Variants in ADGRF5 observed in about 807,000 individuals in gnomAD.
ADGRF5 encodes adhesion G protein-coupled receptor F5, also known as G-protein coupled receptor 116.
In ADGRF5, 75 loss-of-function variants were observed where a neutral mutation model predicts 132.3. The observed-to-expected ratio is 0.57, with a 90% CI of 0.47 to 0.69. ADGRF5 has a LOEUF of 0.69. Ranked by LOEUF, ADGRF5 falls within the 30% of genes least tolerant of loss-of-function variation. The pLI is 0.00. For synonymous variants in ADGRF5, 629 were observed against 597.6 expected (o/e 1.05, Z -0.77); for missense variants, 1,516 against 1,630.6 (o/e 0.93, Z 1.21).
chr6:46,891,483 T>C (rs1376149299), intron 3 of ADGRF5, among the ~76,000 whole-genome samples: 1 of 152,214 alleles, frequency 6.6e-6, no homozygotes, highest in Non-Finnish European at 1.5e-5. Flanking sequence ...CTCTTTGCCA[T>C]GCCAGTCTAC....
At chr6:46,902,656 G>C (rs1774891756) in intron 2 of ADGRF5, among the ~76,000 whole-genome samples, 1 of 152,138 alleles carries the variant, frequency 6.6e-6, no homozygotes, top group Admixed American at 6.5e-5. Flanking sequence ...GAATCTTTAT[G>C]GTGATCATCT....
intron 11 of ADGRF5, among the ~76,000 whole-genome samples, chr6:46,870,158 A>G (rs1770890700): frequency 6.6e-6 from 1 of 151,586 alleles, no homozygotes; most frequent in Non-Finnish European, 1.5e-5. Context: ...ATTATTAATA[A>G]TATTATTATT....
At chr6:46,920,038 C>T (rs765606563) in intron 1 of ADGRF5, among the ~76,000 whole-genome samples, 3 of 152,146 alleles carry the variant, frequency 2.0e-5, no homozygotes, top group Non-Finnish European at 4.4e-5. Context: ...CATTTATTAT[C>T]CACTGAATAA....
chr6:46,912,519 C>T (rs754836481), intron 1 of ADGRF5, among the ~76,000 whole-genome samples: 1 of 151,794 alleles, frequency 6.6e-6, no homozygotes, highest in African/African-American at 2.4e-5. Context: ...TGAGCAGAGG[C>T]CAGGATGGGG....
At chr6:46,869,191 A>T (rs1246341602) in intron 11 of ADGRF5, 99 bp from the exon 12 acceptor site, 2 of 1,521,726 alleles carry the variant, frequency 1.3e-6, no homozygotes, top group South Asian at 1.3e-5. Flanking sequence ...TCAGAGAGGG[A>T]CAGAAAAAAA....
In ADGRF5 at chr6:46,869,146, A is replaced by C. The variant is rs765368558; in HGVS notation, c.1412-54T>G. ...AAGAAAACTGACAAGTTCAATGTGT[A>C]GTATCTCTGGGGACATTAACATATG... On this transcript the variant is annotated intron_variant, in intron 11 of 20. Transcript: ENST00000283296. The C allele has an allele frequency of 3.2e-6, 5 of 1,566,414 alleles. No homozygotes were observed. In the Admixed American group the frequency reaches 7.1e-5, roughly 22 times the overall value.
chr6:46,888,276 A>G, intron 4 of ADGRF5, 59 bp downstream of exon 4: 1 of 1,244,590 alleles, frequency 8.0e-7, no homozygotes, highest in Non-Finnish European at 1.2e-6. Context: ...TCAGGAGCTC[A>G]GACAGTCTGT....
intron 1 of ADGRF5, among the ~76,000 whole-genome samples, chr6:46,930,447 T>A (rs1187551503): frequency 6.6e-6 from 1 of 152,210 alleles, no homozygotes; most frequent in South Asian, 2.1e-4. Context: ...TAGTGTGAAC[T>A]AATTTAAACC....
Position 46,883,658 on chromosome 6 carries a change from G to A in ADGRF5, c.513C>T (p.Thr171=). The change falls in exon 6 of 21, where the codon ACC becomes ACT. Residue 171 remains threonine (T), a synonymous_variant. Coordinates refer to ENST00000283296, the MANE Select transcript of ADGRF5 (RefSeq NM_001098518.2). ...GPFCLLQEDV[T]LNMRVRLNVG... ...CATTTAGTCTGACTCTCATGTTCAG[G>A]GTAACATCTGTTGAAAAACACAGGG... The A allele has an allele frequency of 6.4e-7, 1 of 1,557,162 alleles. No individual in the cohort carries two copies. The highest frequency in any genetic ancestry group is 8.8e-7 in the Non-Finnish European group (1 of 1,142,178).
In ADGRF5 at chr6:46,910,212, C is replaced by G. The variant is rs570984564; in HGVS notation, c.-24-3426G>C. 2.0e-5 allele frequency among the ~76,000 whole-genome samples: 3 copies of G among 152,140 alleles called. No homozygotes were observed. The East Asian group carries it at 5.8e-4, about 29-fold the overall frequency. ...CTACCAATGATTCTCAAAATTTTAG[C>G]CAATGATATCCTCCGACAGTTGGAG... is the stretch of plus-strand genomic sequence containing the variant. On this transcript the variant is annotated intron_variant, in intron 1 of 20. Transcript: ENST00000283296.
At chr6:46,948,510 G>A (rs929697474) in intron 1 of ADGRF5, among the ~76,000 whole-genome samples, 4 of 147,310 alleles carry the variant, frequency 2.7e-5, no homozygotes, top group African/African-American at 1.0e-4. Flanking sequence ...GTGTGTGTGT[G>A]TGTGTATGTG....
chr6:46,877,225 C>T (rs1037537911), intron 10 of ADGRF5, among the ~76,000 whole-genome samples: 13 of 131,770 alleles, frequency 9.9e-5, no homozygotes, highest in South Asian at 5.3e-4. Flanking sequence ...TTTATTTCCT[C>T]TCTTTCTTTC....
intron 11 of ADGRF5, among the ~76,000 whole-genome samples, chr6:46,870,031 A>G (rs114205696): frequency 8.9e-4 from 136 of 152,180 alleles, no homozygotes; most frequent in African/African-American, 3.2e-3. Context: ...CTCTTTGAGT[A>G]TATCTTTACA....
At chr6:46,939,075 TG>T (rs1437625902) in intron 1 of ADGRF5, among the ~76,000 whole-genome samples, 3 of 152,160 alleles carry the variant, frequency 2.0e-5, no homozygotes, top group Non-Finnish European at 4.4e-5. Flanking sequence ...TTCACCAGGT[TG>T]GCCAGGATGG....
At chr6:46,952,764 T>C (rs1437528281) in intron 1 of ADGRF5, among the ~76,000 whole-genome samples, 1 of 152,236 alleles carries the variant, frequency 6.6e-6, no homozygotes, top group Non-Finnish European at 1.5e-5. Flanking sequence ...CTGTGCCAAA[T>C]GCTATGGGTT....
intron 11 of ADGRF5, 111 bp downstream of exon 11, chr6:46,871,732 C>G (rs1771083312): frequency 2.2e-5 from 15 of 678,772 alleles, no homozygotes; most frequent in Admixed American, 5.1e-5. Context: ...ACCACACTCC[C>G]TCTCTGTCCA....
rs566117214 is a variant in ADGRF5 at position 46,889,139 on chromosome 6, T to A, written c.158-634A>T. 2.7e-5 allele frequency among the ~76,000 whole-genome samples: 4 copies of A among 150,560 alleles called. 1 individual carries two copies. The South Asian group carries it at 8.4e-4, about 32-fold the overall frequency. On this transcript the variant is annotated intron_variant, in intron 3 of 20. Transcript: ENST00000283296. ...ATGGATCTGTTCCCCAACACACAGC[T>A]ACATCAGGCAGGCTAATATATATGT... is the stretch of plus-strand genomic sequence containing the variant.
In ADGRF5 at chr6:46,858,885, A is replaced by C. The variant is rs1769375171; in HGVS notation, c.3018T>G (p.Ser1006=). 1 of 1,613,974 alleles carries C rather than the reference A, an allele frequency of 6.2e-7. No individual in the cohort carries two copies. Among genetic ancestry groups the C allele is most frequent in the South Asian group, 1.1e-5 (1 of 91,080 alleles). The change falls in exon 17 of 21, where the codon TCT becomes TCG. Residue 1006 remains serine, a synonymous_variant. Transcript: ENST00000283296. ...TAATATCCAGGAGTATTCCCAGGAG[A>C]GAACTAGGATCTGGGGAGTCAGGGG... ...LMSPDSPDPS[S]LLGILLDIIS... is the part of the protein sequence containing the mutation.
chr6:46,877,306 T>TCTCTCC (rs369575219), intron 10 of ADGRF5, among the ~76,000 whole-genome samples: 3 of 77,140 alleles, frequency 3.9e-5, no homozygotes, highest in African/African-American at 5.7e-5. Context: ...TCTCTCTCTC[T>TCTCTCC]TTCCTTCCTT....
Sources: gnomAD v4.1 joint callset for allele counts (sites outside exome capture counted in the v4.1 genomes callset) on GRCh38, gnomAD v4.1.1 for gene constraint, MANE v1.5 for transcripts, NCBI Gene and HGNC (gene_info 2026-07-23, HGNC 2026-07-21) for gene names.